Variants in NAA10 observed in about 807,000 individuals in gnomAD.
NAA10 encodes the protein N-alpha-acetyltransferase 10, NatA catalytic subunit, also known as N-alpha-acetyltransferase 10.
In NAA10, 6 loss-of-function variants were observed where a neutral mutation model predicts 19.2. The observed-to-expected ratio is 0.31, with a 90% confidence interval of 0.17 to 0.62. The LOEUF is 0.62. Among genes scored for constraint, NAA10 ranks in the 20% least tolerant of loss-of-function variants. The probability of loss-of-function intolerance (pLI) is 0.83; values close to 1 mark genes in which losing one functional copy is unlikely to be tolerated. For synonymous variants in NAA10, 97 were observed against 79.9 expected, an observed-to-expected ratio of 1.21 and a Z score of -1.14; for missense variants, 101 against 198.4, an observed-to-expected ratio of 0.51 and a Z score of 2.95.
chrX:153,934,001 G>A lies in NAA10; in HGVS notation c.121C>T (p.Leu41Phe). The A allele has an allele frequency of 8.3e-7, 1 of 1,209,538 alleles. No individual in the cohort carries two copies. The highest frequency in any genetic ancestry group is 1.1e-6 in the Non-Finnish European group (1 of 893,621). The change falls in exon 3 of 8, where the codon CTC becomes TTC. Residue 41 changes from leucine (L) to phenylalanine (F), a missense_variant and splice_region_variant. Leu to Phe is a conservative substitution (Grantham distance 22). Coordinates refer to ENST00000464845, the MANE Select transcript of NAA10 (RefSeq NM_003491.4). ...YFYHGLSWPQ[L>F]SYIAEDENGK... is the part of the protein sequence containing the mutation. ...TTCTCGTCCTCAGCAATGTAAGAGA[G>A]CTGGTGACAGGAAAACAGAGTGAGA...
rs1700214660 is a variant in NAA10, at chrX:153,932,078, T to G, written c.379A>C (p.Asn127His). ...AALHLYSNTLNFQISEVEPKY... is the reference protein window; with the variant it reads ...AALHLYSNTLHFQISEVEPKY... ...AAATCGAGATCTACTTACTGAAAGT[T>G]GAGGGTGTTGGAATAGAGGTGCAGG... The change falls in exon 6 of 8, where the codon AAC becomes CAC. Residue 127 changes from asparagine to histidine, a missense_variant. Physicochemically the swap from Asn to His is moderately conservative, Grantham distance 68. Transcript: ENST00000464845. 1 of 1,210,409 alleles carries G rather than the reference T, an allele frequency of 8.3e-7. No individual in the cohort carries two copies. Among genetic ancestry groups the G allele is most frequent in the South Asian group, 1.8e-5 (1 of 56,877 alleles).
intron 3 of NAA10, chrX:153,933,548 T>G (rs1322374158): frequency 8.3e-6 from 1 of 120,464 alleles, no homozygotes; most frequent in Non-Finnish European, 1.7e-5. Context: ...GGCATGTGCC[T>G]GTAATCCCAG....
intron 2 of NAA10, 111 bp from the exon 3 acceptor site, chrX:153,934,112 G>T (rs2065182816): frequency 1.3e-6 from 1 of 751,409 alleles, no homozygotes; most frequent in African/African-American, 2.0e-5. Flanking sequence ...TGACCTCCGG[G>T]CTGAGTGGCT....
chrX:153,933,715 T>C (rs1019491527), intron 3 of NAA10: 4 of 370,397 alleles, frequency 1.1e-5, no homozygotes, highest in Non-Finnish European at 1.9e-5. Context: ...ATCACATTCA[T>C]TTATCACTTG....
At position 153,930,610 on chromosome X, in the gene NAA10, C is replaced by T. The variant is rs782703111; in HGVS notation, c.471+153G>A. 7.0e-6 allele frequency: 4 copies of T among 569,600 alleles called. No homozygotes were observed. In the Admixed American group the frequency reaches 8.0e-5, roughly 11 times the overall value. 46.9% of individuals were successfully genotyped at this position (569,600 alleles called of 1,213,427 possible). On this transcript the variant is annotated intron_variant, in intron 7 of 7. Transcript: ENST00000464845. ...CTCCAGGCTGCTAGGCAGATGGCCT[C>T]CTCTAAAGCCCAGCCTAGGAAACTG...
intron 7 of NAA10, 51 bp downstream of exon 7, chrX:153,930,712 C>T (rs1569546268): frequency 5.1e-6 from 6 of 1,170,909 alleles, no homozygotes; most frequent in Non-Finnish European, 5.8e-6. Flanking sequence ...TGTCTTGGGG[C>T]TCCTGAGTGC....
At position 153,929,334 on chromosome X, in the gene NAA10, T is replaced by G. The variant is rs2065153219; in HGVS notation, c.*653A>C. ...GTCAATGGGGAAACGCGGGGAATTG[T>G]ACTAAAAATAAATTATTTTCAAATG... On this transcript the variant is annotated 3_prime_UTR_variant, in exon 8 of 8. Transcript: ENST00000464845. 1 of 112,150 alleles carries G rather than the reference T, an allele frequency of 8.9e-6. No homozygotes were observed. Among genetic ancestry groups the G allele is most frequent in the African/African-American group, 3.3e-5 (1 of 30,673 alleles). The allele number at this position is 112,150 out of a possible 1,213,427, so 9.2% of individuals were successfully genotyped here.
chrX:153,932,581 T>C lies in NAA10; in HGVS notation c.183A>G (p.Glu61=), dbSNP rs2065172939. 2 of 1,204,695 alleles carry C rather than the reference T, an allele frequency of 1.7e-6. No homozygotes were observed. The highest frequency in any genetic ancestry group is 3.0e-5 in the East Asian group (1 of 33,713). Reference sequence around the variant, plus strand: ...CATGGGGCACATCATCTGGGTCCTCTTCCCTGGAGAGGGAGAAAGGAGAGG... The same window carrying C: ...CATGGGGCACATCATCTGGGTCCTCCTCCCTGGAGAGGGAGAAAGGAGAGG... ...KIVGYVLAKM[E]EDPDDVPHGH... Residue 61 remains glutamate, a synonymous_variant, in exon 4 of 8, where the codon GAA becomes GAG. Transcript: ENST00000464845.
In NAA10 at chrX:153,933,844, C is replaced by G. The variant is rs781924010; in HGVS notation, c.179+99G>C. ...TCTGTTCAATTTTTCTATAAACTTT[C>G]AACTGTACTGAAAAGAAGAAGCCTA... On this transcript the variant is annotated intron_variant, in intron 3 of 7. Transcript: ENST00000464845. 30 of 759,288 alleles carry G rather than the reference C, an allele frequency of 4.0e-5. No individual in the cohort carries two copies. The South Asian group carries it at 6.4e-4, about 16-fold the overall frequency. The allele number at this position is 759,288 out of a possible 1,213,427, so 62.6% of individuals were successfully genotyped here.
rs782130665 is a variant in NAA10 at position 153,934,778 on chromosome X, T to A, written c.21+106A>T. 9.6e-5 allele frequency: 84 copies of A among 877,289 alleles called. No individual in the cohort carries two copies. In the African/African-American group the frequency reaches 1.7e-3, roughly 17 times the overall value. 72.3% of individuals were successfully genotyped at this position (877,289 alleles called of 1,213,427 possible). A position where few individuals can be genotyped will look rare whatever the true frequency, so the allele number is the denominator to read the frequency against. On this transcript the variant is annotated intron_variant, in intron 1 of 7. Coordinates refer to ENST00000464845, the MANE Select transcript of NAA10 (RefSeq NM_003491.4). ...ATAGGTCCAGCGGCCGCAGGCACAC[T>A]CAGGGCCACCGGGCCGGGCTCGGCC... is the stretch of plus-strand genomic sequence containing the variant.
chrX:153,932,825 G>A lies in NAA10; in HGVS notation c.180-241C>T, dbSNP rs1420483420. 3 of 430,492 alleles carry A rather than the reference G, an allele frequency of 7.0e-6. No homozygotes were observed. The African/African-American group carries it at 7.4e-5, about 11-fold the overall frequency. 35.5% of individuals were successfully genotyped at this position (430,492 alleles called of 1,213,427 possible). On this transcript the variant is annotated intron_variant, in intron 3 of 7. Transcript: ENST00000464845. ...CCAGCTACTTGGCAGGCCGGGGCAA[G>A]AGGACTGCTTGAGCCCAGGAGTTCG...
chrX:153,934,214 G>A (rs782182361), intron 2 of NAA10, 163 bp downstream of exon 2: 3 of 560,681 alleles, frequency 5.4e-6, no homozygotes, highest in South Asian at 2.6e-5. Context: ...CCCTTCGGGC[G>A]CCTTCTTTTC....
chrX:153,934,280 C>T (rs1437210945), intron 2 of NAA10, 97 bp downstream of exon 2: 3 of 786,978 alleles, frequency 3.8e-6, no homozygotes, highest in Non-Finnish European at 5.7e-6. Context: ...CATACAGCCC[C>T]CTGGGCTCTG....
At chrX:153,934,562 G>GC in intron 1 of NAA10, 87 bp from the exon 2 acceptor site, 1 of 773,159 alleles carries the variant, frequency 1.3e-6, no homozygotes, top group Non-Finnish European at 1.9e-6. Flanking sequence ...GGTCTGCTCG[G>GC]CCCCGCTCCC....
Position 153,935,034 on chromosome X carries a change from C to G in NAA10, c.-130G>C. The G allele has an allele frequency of 3.1e-6, 2 of 637,618 alleles. No individual in the cohort carries two copies. The highest frequency in any genetic ancestry group is 4.0e-6 in the Non-Finnish European group (2 of 504,015). The allele number at this position is 637,618 out of a possible 1,213,427, so 52.5% of individuals were successfully genotyped here. A position where few individuals can be genotyped will look rare whatever the true frequency, so the allele number is the denominator to read the frequency against. On this transcript the variant is annotated 5_prime_UTR_variant, in exon 1 of 8. Transcript: ENST00000464845. ...GCTCGCTGGGCGACGGCGGAAGGGGCGGTGCGCGCCGGGCCGGCCACCGGC... is the reference window on the plus strand; with the variant it reads ...GCTCGCTGGGCGACGGCGGAAGGGGGGGTGCGCGCCGGGCCGGCCACCGGC...
At chrX:153,934,851 C>A (rs2065188427) in intron 1 of NAA10, 33 bp downstream of exon 1, 1 of 991,788 alleles carries the variant, frequency 1.0e-6, no homozygotes, top group African/African-American at 2.0e-5. Context: ...GGCGCCCACG[C>A]GGCGCGGACA....
chrX:153,932,333 G>A lies in NAA10; in HGVS notation c.324C>T (p.Ser108=). The A allele has an allele frequency of 8.3e-7, 1 of 1,210,125 alleles. No homozygotes were observed. The part of the protein sequence containing the change: ...MIENFNAKYV[S]LHVRKSNRAA... ...GCTTCCACCTCTTCCTGACATGCAG[G>A]GAGACATATTTGGCATTGAAGTTCT... is the stretch of plus-strand genomic sequence containing the variant. Residue 108 remains serine (S), a synonymous_variant, in exon 5 of 8, where the codon TCC becomes TCT. Coordinates refer to ENST00000464845, the MANE Select transcript of NAA10 (RefSeq NM_003491.4).
At position 153,934,009 on chromosome X, in the gene NAA10, C is replaced by T. The variant is rs2065182052; in HGVS notation, c.121-8G>A. ...CTCAGCAATGTAAGAGAGCTGGTGA[C>T]AGGAAAACAGAGTGAGAAAACTTCT... On this transcript the variant is annotated splice_polypyrimidine_tract_variant and splice_region_variant and intron_variant, in intron 2 of 7. Transcript: ENST00000464845. The T allele has an allele frequency of 8.3e-7, 1 of 1,207,117 alleles. No homozygotes were observed. The highest frequency in any genetic ancestry group is 1.1e-6 in the Non-Finnish European group (1 of 891,629).
Position 153,934,428 on chromosome X carries a change from G to C in NAA10, c.69C>G (p.Pro23=). 3 of 1,208,675 alleles carry C rather than the reference G, an allele frequency of 2.5e-6. No homozygotes were observed. Among genetic ancestry groups the C allele is most frequent in the Non-Finnish European group, 3.4e-6 (3 of 893,674 alleles). The part of the protein sequence containing the change: ...NMQHCNLLCL[P]ENYQMKYYFY... The stretch of plus-strand genomic sequence containing the variant: ...AGTAGTATTTCATCTGGTAGTTCTC[G>C]GGCAGGCAGAGGAGGTTGCAGTGCT... Residue 23 remains proline (P), a synonymous_variant, in exon 2 of 8, where the codon CCC becomes CCG. Transcript: ENST00000464845.
Sources: allele counts gnomAD v4.1 joint callset, GRCh38; gene constraint gnomAD v4.1.1; transcripts MANE v1.5; gene names NCBI Gene and HGNC (gene_info 2026-07-23, HGNC 2026-07-21).